Variants in ERICH3 observed in about 807,000 individuals in gnomAD.
ERICH3 encodes the protein glutamate rich 3, also known as glutamate-rich protein 3.
ERICH3 carries 126 observed loss-of-function variants against 131.1 expected under a neutral mutation model. The observed-to-expected ratio is 0.96, with a 90% CI of 0.83 to 1.11. The LOEUF is 1.11. Among genes scored for constraint, ERICH3 ranks in the 50% most tolerant of loss-of-function variants. The pLI is 0.00. For missense variants in ERICH3, 2,050 were observed against 1,810.7 expected (o/e 1.13, Z -2.40); for synonymous variants, 695 against 644.6 (o/e 1.08, Z -1.18).
chr1:74,659,038 T>C (rs901858637), intron 1 of ERICH3, among the ~76,000 whole-genome samples: 4 of 152,194 alleles, frequency 2.6e-5, no homozygotes, highest in African/African-American at 9.7e-5. Context: ...AAGGAAAATA[T>C]AACATGGTTT....
chr1:74,652,140 A>G (rs699857), intron 1 of ERICH3, among the ~76,000 whole-genome samples: 1 of 152,002 alleles, frequency 6.6e-6, no homozygotes, highest in Non-Finnish European at 1.5e-5. Context: ...CAGTTATTTC[A>G]TTTTTAGACA....
At chr1:74,636,181 G>C in intron 6 of ERICH3, 99 bp downstream of exon 6, 1 of 986,200 alleles carries the variant, frequency 1.0e-6, no homozygotes, top group Non-Finnish European at 1.4e-6. Flanking sequence ...AATTTTCACT[G>C]TGTAGATTTT....
At chr1:74,649,355 GTTGT>G (rs1172718628) in intron 1 of ERICH3, 40 bp from the exon 2 acceptor site, 1 of 1,509,290 alleles carries the variant, frequency 6.6e-7, no homozygotes, top group Admixed American at 1.7e-5. Context: ...TTTACAAGGG[GTTGT>G]TTGATAACCA....
At chr1:74,658,771 A>C (rs148507663) in intron 1 of ERICH3, among the ~76,000 whole-genome samples, 450 of 152,244 alleles carry the variant, frequency 3.0e-3, no homozygotes, top group African/African-American at 0.01. Flanking sequence ...CACCCTCTGA[A>C]ATACCCAGTT....
rs1646676295 is a variant in ERICH3 at position 74,665,030 on chromosome 1, AATGT to A, written c.23+8463_23+8466del. On this transcript the variant is annotated intron_variant, in intron 1 of 14. Transcript: ENST00000326665. The stretch of plus-strand genomic sequence containing the variant: ...TTCATATGTTGAAATCTTAACCCAC[AATGT>A]TATTGTATTAGGAGATGGGTTCTTT... Among the ~76,000 whole-genome samples, 3 of 152,066 alleles carry A rather than the reference AATGT, an allele frequency of 2.0e-5. No homozygotes were observed. The South Asian group carries it at 6.2e-4, about 32-fold the overall frequency.
In ERICH3 at chr1:74,571,265, C is replaced by T; in HGVS notation, c.4445G>A (p.Gly1482Glu). 6.2e-7 allele frequency: 1 copy of T among 1,614,110 alleles called. No individual in the cohort carries two copies. ...EKFRLGLSRE[G>E]ERELSPESLQ... ...ACTCTCCGGACTCAATTCCCTCTCT[C>T]CCTCCCGTGATAATCCTAATCGGAA... Residue 1482 changes from glycine to glutamate, a missense_variant, in exon 14 of 15, where the codon GGA becomes GAA. Gly to Glu is a moderately conservative substitution (Grantham distance 98, BLOSUM62 -2). Transcript: ENST00000326665.
chr1:74,633,463 A>T (rs559678690), intron 6 of ERICH3, among the ~76,000 whole-genome samples: 1 of 152,064 alleles, frequency 6.6e-6, no homozygotes, highest in African/African-American at 2.4e-5. Flanking sequence ...GTGTTTAAGG[A>T]TTTAAAACAA....
intron 1 of ERICH3, among the ~76,000 whole-genome samples, chr1:74,670,704 C>T (rs532556200): frequency 9.9e-5 from 15 of 152,136 alleles, no homozygotes; most frequent in African/African-American, 3.4e-4. Flanking sequence ...AATCAGTGCA[C>T]CTTGAAAAAG....
chr1:74,604,813 A>C (rs2100585165), intron 10 of ERICH3, among the ~76,000 whole-genome samples: 1 of 152,054 alleles, frequency 6.6e-6, no homozygotes, highest in African/African-American at 2.4e-5. Flanking sequence ...AAGCAGATAA[A>C]ATTTAGCATA....
chr1:74,577,997 T>C (rs1432104547), intron 12 of ERICH3: 1 of 152,222 alleles, frequency 6.6e-6, no homozygotes, highest in African/African-American at 2.4e-5. Flanking sequence ...TCCTATAAAT[T>C]TGACAGTAAA....
chr1:74,611,683 C>A (rs1483066403), intron 9 of ERICH3, among the ~76,000 whole-genome samples: 1 of 152,144 alleles, frequency 6.6e-6, no homozygotes, highest in Non-Finnish European at 1.5e-5. Context: ...CACGTGCCTG[C>A]TTCATGCCTT....
At chr1:74,657,777 G>A (rs1265214304) in intron 1 of ERICH3, among the ~76,000 whole-genome samples, 1 of 152,068 alleles carries the variant, frequency 6.6e-6, no homozygotes, top group African/African-American at 2.4e-5. Context: ...GACACACTAA[G>A]TTTGACCAGT....
At chr1:74,672,260 G>A (rs767262650) in intron 1 of ERICH3, among the ~76,000 whole-genome samples, 4 of 152,218 alleles carry the variant, frequency 2.6e-5, no homozygotes, top group South Asian at 2.1e-4. Flanking sequence ...TGCATCTTAC[G>A]TAGCATCTTA....
intron 7 of ERICH3, chr1:74,621,533 CA>C (rs1234990891): frequency 6.6e-6 from 1 of 152,088 alleles, no homozygotes; most frequent in African/African-American, 2.4e-5. Flanking sequence ...TTCACAGGGG[CA>C]TTCAGTTGAT....
rs144142401 is a variant in ERICH3 at position 74,571,779 on chromosome 1, C to T, written c.3931G>A (p.Asp1311Asn). Residue 1311 changes from aspartate to asparagine, a missense_variant, in exon 14 of 15, where the codon GAC (aspartate) becomes AAC (asparagine). By Grantham distance (23) the Asp-to-Asn change is conservative. Coordinates refer to ENST00000326665, the MANE Select transcript of ERICH3 (RefSeq NM_001002912.5). Reference protein sequence around the residue: ...ECTLETEAMQDRNSEGDGDME... With the variant: ...ECTLETEAMQNRNSEGDGDME... ...TCCCCGTCCCCTTCCGAGTTCCTGT[C>T]CTGCATCGCTTCTGTCTCCAGAGTG... 1 of 1,614,064 alleles carries T rather than the reference C, an allele frequency of 6.2e-7. No individual in the cohort carries two copies. Among genetic ancestry groups the T allele is most frequent in the African/African-American group, 1.3e-5 (1 of 75,032 alleles).
At position 74,589,698 on chromosome 1, in the gene ERICH3, C is replaced by A; in HGVS notation, c.2109G>T (p.Lys703Asn). The A allele has an allele frequency of 6.2e-7, 1 of 1,614,082 alleles. No individual in the cohort carries two copies. Among genetic ancestry groups the A allele is most frequent in the African/African-American group, 1.3e-5 (1 of 75,028 alleles). Residue 703 changes from lysine (K) to asparagine (N), a missense_variant, in exon 12 of 15, where the codon AAG becomes AAT. Coordinates refer to ENST00000326665, the MANE Select transcript of ERICH3 (RefSeq NM_001002912.5). ...CCTGAGCAGTGCTTTCTTCCCAAAG[C>A]TTACTCTTATCCTTTTCCTTTTCTT... is the stretch of plus-strand genomic sequence containing the variant. ...SAEEKEKDKS[K>N]LWEESTAQVK...
At chr1:74,614,263 C>G (rs2100599946) in intron 8 of ERICH3, among the ~76,000 whole-genome samples, 1 of 151,760 alleles carries the variant, frequency 6.6e-6, no homozygotes, top group East Asian at 1.9e-4. Flanking sequence ...TCTCCAAATC[C>G]CTGGACAATG....
Position 74,589,837 on chromosome 1 carries a change from T to C in ERICH3, c.1970A>G (p.Lys657Arg), listed in dbSNP as rs761893270. 3 of 1,614,146 alleles carry C rather than the reference T, an allele frequency of 1.9e-6. No individual in the cohort carries two copies. The highest frequency in any genetic ancestry group is 2.5e-6 in the Non-Finnish European group (3 of 1,179,988). Reference protein sequence around the residue: ...QEITKADVETKPMPIDESFEN... With the variant: ...QEITKADVETRPMPIDESFEN... ...AAAGCTTTCGTCTATTGGCATCGGCTTGGTCTCCACATCTGCTTTTGTTAT... is the reference window on the plus strand; with the variant it reads ...AAAGCTTTCGTCTATTGGCATCGGCCTGGTCTCCACATCTGCTTTTGTTAT... Residue 657 changes from lysine to arginine, a missense_variant, in exon 12 of 15, where the codon AAG becomes AGG. Lys to Arg is a conservative substitution (Grantham distance 26). Coordinates refer to ENST00000326665, the MANE Select transcript of ERICH3 (RefSeq NM_001002912.5).
chr1:74,586,000 T>C (rs1647311330), intron 12 of ERICH3, among the ~76,000 whole-genome samples: 1 of 152,124 alleles, frequency 6.6e-6, no homozygotes, highest in South Asian at 2.1e-4. Flanking sequence ...ACATGGTCTT[T>C]GTTCTGTTTT....
Sources: allele counts gnomAD v4.1 joint callset (sites outside exome capture counted in the v4.1 genomes callset), GRCh38; gene constraint gnomAD v4.1.1; transcripts MANE v1.5; gene names NCBI Gene and HGNC (gene_info 2026-07-23, HGNC 2026-07-21).